Variants in RORB observed in about 807,000 individuals in gnomAD.
The protein encoded by RORB is nuclear receptor ROR-beta.
Under a neutral mutation model 59.1 loss-of-function variants are expected in RORB, and 6 were observed. The ratio of observed to expected loss-of-function variants is 0.10; its 90% confidence interval spans 0.06 to 0.20. The LOEUF is 0.20. RORB is among the 10% of genes least tolerant of loss of function. The probability of loss-of-function intolerance (pLI) is 1.00; values close to 1 mark genes in which losing one functional copy is unlikely to be tolerated. For missense variants in RORB, 320 were observed against 560.5 expected (o/e 0.57, Z 4.33); for synonymous variants, 215 against 204.5 (o/e 1.05, Z -0.44).
chr9:74,592,846 C>T (rs1021746571), intron 1 of RORB, among the ~76,000 whole-genome samples: 4 of 152,158 alleles, frequency 2.6e-5, no homozygotes, highest in African/African-American at 9.7e-5. Context: ...CACACACACA[C>T]ATGAACATGC....
At chr9:74,611,300 CAATT>C (rs1277061908) in intron 1 of RORB, among the ~76,000 whole-genome samples, 1 of 151,930 alleles carries the variant, frequency 6.6e-6, no homozygotes, top group East Asian at 1.9e-4. Flanking sequence ...TTCAAAGTGA[CAATT>C]AAATGCCAGA....
At chr9:74,571,964 T>C (rs1822559009) in intron 1 of RORB, among the ~76,000 whole-genome samples, 2 of 152,140 alleles carry the variant, frequency 1.3e-5, no homozygotes, top group Non-Finnish European at 2.9e-5. Context: ...TCTTACCTGG[T>C]TTCTGCATAA....
intron 1 of RORB, among the ~76,000 whole-genome samples, chr9:74,624,664 G>T (rs759273413): frequency 1.6e-4 from 24 of 152,192 alleles, no homozygotes; most frequent in Admixed American, 5.2e-4. Context: ...GTACCTAATA[G>T]AGATAGATAC....
Position 74,662,521 on chromosome 9 carries a change from C to T in RORB, c.807C>T (p.Ala269=), listed in dbSNP as rs755208580. 2 of 1,614,010 alleles carry T rather than the reference C, an allele frequency of 1.2e-6. No individual in the cohort carries two copies. The highest frequency in any genetic ancestry group is 4.5e-5 in the East Asian group (2 of 44,870). The change falls in exon 6 of 10, where the codon GCC becomes GCT. Residue 269 remains alanine, a synonymous_variant. Transcript: ENST00000376896. ...AATGTGCCATCCAGATCACTCACGC[C>T]ATCCAATACGTGGTGGAGTTTGCAA... is the stretch of plus-strand genomic sequence containing the variant. The part of the protein sequence containing the change: ...WQQCAIQITH[A]IQYVVEFAKR...
intron 9 of RORB, among the ~76,000 whole-genome samples, chr9:74,682,082 A>C (rs910694192): frequency 2.0e-5 from 3 of 152,082 alleles, no homozygotes; most frequent in African/African-American, 7.2e-5. Context: ...GAGATATCTC[A>C]GACTGTGGGA....
At chr9:74,589,806 G>T (rs1481442454) in intron 1 of RORB, among the ~76,000 whole-genome samples, 2 of 152,118 alleles carry the variant, frequency 1.3e-5, no homozygotes, top group East Asian at 3.9e-4. Flanking sequence ...CTTCCTCAGG[G>T]AAGTCCTTTC....
At chr9:74,587,140 G>A (rs540157081) in intron 1 of RORB, among the ~76,000 whole-genome samples, 8 of 152,260 alleles carry the variant, frequency 5.3e-5, no homozygotes, top group African/African-American at 1.7e-4. Flanking sequence ...AAATAATTAA[G>A]GAGGTCCAGC....
chr9:74,685,048 T>G (rs1485654237), intron 9 of RORB, among the ~76,000 whole-genome samples: 1 of 152,162 alleles, frequency 6.6e-6, no homozygotes, highest in Non-Finnish European at 1.5e-5. Flanking sequence ...CCCAATGAAG[T>G]AGGTACTGTT....
chr9:74,522,348 C>G (rs1056924305), intron 1 of RORB, among the ~76,000 whole-genome samples: 3 of 151,552 alleles, frequency 2.0e-5, no homozygotes, highest in Non-Finnish European at 3.0e-5. Flanking sequence ...TTTTTAGATT[C>G]AAAATAACTG....
intron 4 of RORB, among the ~76,000 whole-genome samples, chr9:74,660,031 A>G (rs1308705217): frequency 1.3e-5 from 2 of 152,172 alleles, no homozygotes; most frequent in Non-Finnish European, 2.9e-5. Context: ...CTCTCCTATT[A>G]TGTAAGATAT....
In RORB at chr9:74,529,020, G is replaced by A. The variant is rs116313216; in HGVS notation, c.7+31037G>A. 6.1e-3 allele frequency among the ~76,000 whole-genome samples: 932 copies of A among 152,060 alleles called. 14 individuals carry two copies. The highest frequency in any genetic ancestry group is 0.022 in the African/African-American group (904 of 41,510). Reference sequence around the variant, plus strand: ...ATGGTTGATTGAACTCTCTTTATTTGACAACCATTTTAAGGAGAAGTGCTC... The same window carrying A: ...ATGGTTGATTGAACTCTCTTTATTTAACAACCATTTTAAGGAGAAGTGCTC... On this transcript the variant is annotated intron_variant, in intron 1 of 9. Transcript: ENST00000376896.
chr9:74,635,956 C>CA (rs11364568), intron 3 of RORB, among the ~76,000 whole-genome samples: 2,968 of 131,580 alleles, frequency 0.023, 77 homozygotes, highest in African/African-American at 0.055. Context: ...CAAATTTGAC[C>CA]AAAAAAAAAA....
At chr9:74,615,454 G>A (rs1025847787) in intron 1 of RORB, 18 of 210,726 alleles carry the variant, frequency 8.5e-5, no homozygotes, top group South Asian at 5.1e-4. Context: ...AAATGGAGCC[G>A]TTGATGCCTT....
At chr9:74,571,853 C>A (rs1197764221) in intron 1 of RORB, among the ~76,000 whole-genome samples, 1 of 152,082 alleles carries the variant, frequency 6.6e-6, no homozygotes, top group Non-Finnish European at 1.5e-5. Flanking sequence ...GTAGTAAATG[C>A]TTTCTGAGCC....
At chr9:74,583,996 T>C (rs1255877828) in intron 1 of RORB, among the ~76,000 whole-genome samples, 1 of 152,214 alleles carries the variant, frequency 6.6e-6, no homozygotes, top group Non-Finnish European at 1.5e-5. Flanking sequence ...AATGCAACTT[T>C]TTCTGTGAGA....
chr9:74,691,218 C>T lies in RORB; in HGVS notation c.*5600C>T, dbSNP rs1333394078. On this transcript the variant is annotated 3_prime_UTR_variant, in exon 10 of 10. Coordinates refer to ENST00000376896, the MANE Select transcript of RORB (RefSeq NM_006914.4). ...CAGAGAAAGCAGCTCAGTGATTGTT[C>T]TCATGGCCAAAAATAAAGCACAAGG... 2 of 152,204 alleles carry T rather than the reference C, an allele frequency of 1.3e-5. No homozygotes were observed. The highest frequency in any genetic ancestry group is 3.9e-4 in the East Asian group (2 of 5,192). 9.4% of individuals were successfully genotyped at this position (152,204 alleles called of 1,614,324 possible). A position where few individuals can be genotyped will look rare whatever the true frequency, so the allele number is the denominator to read the frequency against.
At chr9:74,568,735 GAA>G (rs1011143693) in intron 1 of RORB, among the ~76,000 whole-genome samples, 2 of 150,980 alleles carry the variant, frequency 1.3e-5, no homozygotes, top group African/African-American at 4.9e-5. Flanking sequence ...AAATTAACTG[GAA>G]GTTTGTCTTT....
At chr9:74,547,199 A>G (rs531691587) in intron 1 of RORB, among the ~76,000 whole-genome samples, 481 of 152,270 alleles carry the variant, frequency 3.2e-3, no homozygotes, top group Non-Finnish European at 5.6e-3. Flanking sequence ...GAAAATATGT[A>G]TGAGAGAGAT....
chr9:74,535,799 T>G (rs1826314651), intron 1 of RORB, among the ~76,000 whole-genome samples: 1 of 152,044 alleles, frequency 6.6e-6, no homozygotes. Context: ...ATGTTGGAAT[T>G]TATAGGTTAG....
Sources: gnomAD v4.1 joint callset for allele counts (sites outside exome capture counted in the v4.1 genomes callset) on GRCh38, gnomAD v4.1.1 for gene constraint, MANE v1.5 for transcripts, NCBI Gene and HGNC (gene_info 2026-07-23, HGNC 2026-07-21) for gene names.